The following PARD3 variants were observed in gnomAD, a reference collection of about 807,000 sequenced individuals.
PARD3 encodes the protein partitioning defective 3 homolog.
PARD3 carries 75 observed loss-of-function variants against 155.4 expected under a neutral mutation model. The observed-to-expected ratio is 0.48, with a 90% CI of 0.40 to 0.58. PARD3 has a LOEUF of 0.58. Ranked by LOEUF, PARD3 falls within the 20% of genes least tolerant of loss-of-function variation. The pLI, the probability that PARD3 is intolerant of heterozygous loss-of-function variation, is 0.00. For synonymous variants in PARD3, 576 were observed against 610.5 expected (o/e 0.94, Z 0.83); for missense variants, 1,642 against 1,721.7 (o/e 0.95, Z 0.82).
At chr10:34,194,659 C>T (rs1950863747) in intron 22 of PARD3, among the ~76,000 whole-genome samples, 1 of 146,226 alleles carries the variant, frequency 6.8e-6, no homozygotes, top group Admixed American at 6.8e-5. Flanking sequence ...TTTTTCCCCT[C>T]CATGTTCAAG....
chr10:34,256,394 A>T (rs1015368002), intron 22 of PARD3, among the ~76,000 whole-genome samples: 2 of 152,228 alleles, frequency 1.3e-5, no homozygotes, highest in East Asian at 1.9e-4. Flanking sequence ...TGGCAAGGTT[A>T]CCACAGCCGG....
chr10:34,635,137 G>C (rs2092422055), intron 2 of PARD3, among the ~76,000 whole-genome samples: 1 of 152,224 alleles, frequency 6.6e-6, no homozygotes, highest in South Asian at 2.1e-4. Flanking sequence ...ATTTTCAAAG[G>C]AGGAGGAGAA....
At chr10:34,409,369 T>C (rs894456631) in intron 5 of PARD3, among the ~76,000 whole-genome samples, 1 of 152,212 alleles carries the variant, frequency 6.6e-6, no homozygotes, top group African/African-American at 2.4e-5. Flanking sequence ...GGAATCTTCT[T>C]GGAAGATATT....
chr10:34,544,857 A>G (rs555807850), intron 2 of PARD3, among the ~76,000 whole-genome samples: 1 of 152,194 alleles, frequency 6.6e-6, no homozygotes, highest in Admixed American at 6.5e-5. Flanking sequence ...TTTACACTGG[A>G]GCACCTCTTG....
chr10:34,537,494 G>A (rs74132054), intron 2 of PARD3, among the ~76,000 whole-genome samples: 2,642 of 152,236 alleles, frequency 0.017, 85 homozygotes, highest in African/African-American at 0.061. Context: ...AGGAGACAAT[G>A]GGTGTTCACA....
chr10:34,785,043 AAATATTAAACTGATTACTT>A (rs1840773206), intron 1 of PARD3, among the ~76,000 whole-genome samples: 1 of 152,262 alleles, frequency 6.6e-6, no homozygotes, highest in Admixed American at 6.5e-5. Context: ...TTATAGGAAC[AAATATTAAACTGATTACTT>A]AATATATGTG....
chr10:34,436,991 G>A (rs2076222356), intron 5 of PARD3, among the ~76,000 whole-genome samples: 1 of 151,900 alleles, frequency 6.6e-6, no homozygotes, highest in Admixed American at 6.6e-5. Flanking sequence ...GGGGGAGGGA[G>A]ACTACTATTT....
chr10:34,572,186 G>T (rs1027348850), intron 2 of PARD3, among the ~76,000 whole-genome samples: 2 of 152,118 alleles, frequency 1.3e-5, no homozygotes, highest in African/African-American at 4.8e-5. Flanking sequence ...AACCAAGACA[G>T]AAATTATTCC....
chr10:34,390,823 T>G (rs1022679079), intron 7 of PARD3, among the ~76,000 whole-genome samples: 25 of 152,374 alleles, frequency 1.6e-4, no homozygotes, highest in African/African-American at 4.1e-4. Context: ...ATAGTTTTTT[T>G]TGTGTGTGTA....
chr10:34,807,688 GTGTA>G (rs60968115), intron 1 of PARD3, among the ~76,000 whole-genome samples: 53,415 of 151,674 alleles, frequency 0.35, 10,513 homozygotes, highest in African/African-American at 0.55. Context: ...TTGTGTGTGT[GTGTA>G]TATATATAAA....
intron 1 of PARD3, among the ~76,000 whole-genome samples, chr10:34,802,709 AGTTTT>A (rs1301803119): frequency 6.6e-6 from 1 of 152,148 alleles, no homozygotes; most frequent in African/African-American, 2.4e-5. Flanking sequence ...TAAGAGAGAC[AGTTTT>A]GCCACATGAT....
intron 2 of PARD3, among the ~76,000 whole-genome samples, chr10:34,609,924 G>A (rs1020824122): frequency 3.9e-5 from 6 of 152,246 alleles, no homozygotes; most frequent in South Asian, 2.1e-4. Flanking sequence ...TGACATTACC[G>A]TCAGAAAGGC....
chr10:34,682,167 G>A (rs996077533), intron 2 of PARD3, among the ~76,000 whole-genome samples: 3 of 152,064 alleles, frequency 2.0e-5, no homozygotes, highest in Admixed American at 6.6e-5. Context: ...GATAGTGGAC[G>A]GTCATCATTC....
At chr10:34,806,985 T>C (rs568340711) in intron 1 of PARD3, among the ~76,000 whole-genome samples, 7 of 152,320 alleles carry the variant, frequency 4.6e-5, no homozygotes, top group Admixed American at 3.9e-4. Context: ...AGCCAAATGC[T>C]GGAAAGGCTG....
chr10:34,681,756 ATATATATATATATTTTTTTTTTT>A (rs1392969273), intron 2 of PARD3, among the ~76,000 whole-genome samples: 19 of 18,902 alleles, frequency 1.0e-3, no homozygotes, highest in African/African-American at 4.8e-3. Flanking sequence ...ATATATATAT[ATATATATATATATTTTTTTTTTT>A]TTTTTTTTTT....
rs377530746 is a variant in PARD3, at chr10:34,180,197, G to A, written c.3420-48614C>T. The stretch of plus-strand genomic sequence containing the variant: ...TGAGTAGCTGGGATTACAGGCACCC[G>A]CCACCACGCCTGGCTAATTTTGTGT... On this transcript the variant is annotated intron_variant, in intron 22 of 24. Transcript: ENST00000374788. Among the ~76,000 whole-genome samples, 7 of 152,060 alleles carry A rather than the reference G, an allele frequency of 4.6e-5. No homozygotes were observed. In the East Asian group the frequency reaches 5.8e-4, roughly 13 times the overall value.
At chr10:34,351,821 C>G (rs1445428164) in intron 14 of PARD3, among the ~76,000 whole-genome samples, 1 of 152,214 alleles carries the variant, frequency 6.6e-6, no homozygotes, top group Non-Finnish European at 1.5e-5. Context: ...AGACATTTTG[C>G]TTCTAAATTA....
chr10:34,506,541 C>T (rs920188350), intron 3 of PARD3, among the ~76,000 whole-genome samples: 5 of 152,034 alleles, frequency 3.3e-5, no homozygotes, highest in African/African-American at 4.8e-5. Context: ...TCCCGGGCAA[C>T]GCAAGCAGAT....
At chr10:34,444,383 C>T (rs570302419) in intron 5 of PARD3, among the ~76,000 whole-genome samples, 3 of 152,320 alleles carry the variant, frequency 2.0e-5, no homozygotes, top group Admixed American at 6.5e-5. Flanking sequence ...AGCTTATGAT[C>T]TATTATCTGC....
Sources: allele counts gnomAD v4.1 joint callset (sites outside exome capture counted in the v4.1 genomes callset), GRCh38; gene constraint gnomAD v4.1.1; transcripts MANE v1.5; gene names NCBI Gene and HGNC (gene_info 2026-07-23, HGNC 2026-07-21).